The following DACH1 variants were observed in gnomAD, a reference collection of about 807,000 sequenced individuals.
The protein encoded by DACH1 is dachshund homolog 1.
Under a neutral mutation model 54.2 loss-of-function variants are expected in DACH1, and 12 were observed. The observed-to-expected ratio is 0.22, with a 90% CI of 0.14 to 0.36. DACH1 has a LOEUF of 0.36. DACH1 is among the 10% of genes least tolerant of loss of function. The pLI is 1.00. For synonymous variants in DACH1, 386 were observed against 366.2 expected (o/e 1.05, Z -0.62); for missense variants, 805 against 929.8 (o/e 0.87, Z 1.75).
chr13:71,734,140 ATATATG>A (rs1463108371), intron 1 of DACH1, among the ~76,000 whole-genome samples: 1 of 149,024 alleles, frequency 6.7e-6, no homozygotes, highest in African/African-American at 2.5e-5. Context: ...TATACCCCAT[ATATATG>A]TATATCCCAT....
At chr13:71,578,792 T>G (rs1225321594) in intron 3 of DACH1, among the ~76,000 whole-genome samples, 1 of 152,144 alleles carries the variant, frequency 6.6e-6, no homozygotes, top group Non-Finnish European at 1.5e-5. Context: ...TAACTGGTAT[T>G]GCAAAATAAT....
chr13:71,595,952 G>T (rs919885969), intron 3 of DACH1, among the ~76,000 whole-genome samples: 1 of 152,106 alleles, frequency 6.6e-6, no homozygotes, highest in African/African-American at 2.4e-5. Context: ...ACTGATATGA[G>T]AAAAATGAAG....
Position 71,472,045 on chromosome 13 carries a change from A to G in DACH1, c.2083+3096T>C, listed in dbSNP as rs113046325. Among the ~76,000 whole-genome samples, 1,309 of 152,262 alleles carry G rather than the reference A, an allele frequency of 8.6e-3. 23 individuals are homozygous for G. The highest frequency in any genetic ancestry group is 0.029 in the African/African-American group (1,200 of 41,552). On this transcript the variant is annotated intron_variant, in intron 10 of 10. Transcript: ENST00000613252. The stretch of plus-strand genomic sequence containing the variant: ...ATTCTTGAGTAGGGTAAATTTTTCA[A>G]AGTCCAACACAAATCATGCCATATA...
intron 1 of DACH1, among the ~76,000 whole-genome samples, chr13:71,861,361 A>G (rs1302082310): frequency 1.3e-5 from 2 of 151,982 alleles, no homozygotes; most frequent in African/African-American, 4.8e-5. Context: ...AACCATGTTC[A>G]CTTTTGACAA....
chr13:71,595,062 A>G (rs1381778023), intron 3 of DACH1, among the ~76,000 whole-genome samples: 1 of 152,160 alleles, frequency 6.6e-6, no homozygotes, highest in Non-Finnish European at 1.5e-5. Context: ...TTATGTATAA[A>G]CATCCTTAAT....
intron 1 of DACH1, among the ~76,000 whole-genome samples, chr13:71,743,895 G>T (rs1197491977): frequency 1.3e-5 from 2 of 151,956 alleles, no homozygotes; most frequent in Non-Finnish European, 2.9e-5. Context: ...GTTGAAAGTC[G>T]ACTGATTTAT....
chr13:71,620,795 T>A (rs1593998209), intron 3 of DACH1, among the ~76,000 whole-genome samples: 1 of 152,012 alleles, frequency 6.6e-6, no homozygotes, highest in African/African-American at 2.4e-5. Flanking sequence ...TAAAATGTAG[T>A]ATCTTCCAGT....
chr13:71,791,240 A>C (rs530002959), intron 1 of DACH1, among the ~76,000 whole-genome samples: 2 of 152,086 alleles, frequency 1.3e-5, no homozygotes, highest in South Asian at 2.1e-4. Context: ...AATATAACCC[A>C]TTTGCTCTTT....
At chr13:71,578,505 AATGCTACT>A (rs1885675473) in intron 3 of DACH1, among the ~76,000 whole-genome samples, 2 of 152,194 alleles carry the variant, frequency 1.3e-5, no homozygotes, top group Admixed American at 1.3e-4. Context: ...CGTCAGCAGT[AATGCTACT>A]ATTTTGCATG....
At chr13:71,545,351 T>C (rs1883392691) in intron 6 of DACH1, among the ~76,000 whole-genome samples, 1 of 152,052 alleles carries the variant, frequency 6.6e-6, no homozygotes, top group African/African-American at 2.4e-5. Context: ...TGTGTTATTA[T>C]GGAATGGATA....
Position 71,468,152 on chromosome 13 carries a change from G to A in DACH1, c.2083+6989C>T, listed in dbSNP as rs575684277. ...CAACATTGTATTATAAACACAAGTC[G>A]ATTTCCCAAAAAGGGAAAAGTAAAT... is the stretch of plus-strand genomic sequence containing the variant. On this transcript the variant is annotated intron_variant, in intron 10 of 10. Coordinates refer to ENST00000613252, the MANE Select transcript of DACH1 (RefSeq NM_080759.6). Among the ~76,000 whole-genome samples, 10 of 152,128 alleles carry A rather than the reference G, an allele frequency of 6.6e-5. No individual in the cohort carries two copies. In the East Asian group the frequency reaches 7.7e-4, roughly 12 times the overall value.
At chr13:71,651,452 G>C (rs1439528941) in intron 2 of DACH1, among the ~76,000 whole-genome samples, 1 of 152,070 alleles carries the variant, frequency 6.6e-6, no homozygotes, top group Non-Finnish European at 1.5e-5. Flanking sequence ...TCTAACTCTG[G>C]GGGTTCAAGA....
At chr13:71,579,145 T>A (rs577738515) in intron 3 of DACH1, among the ~76,000 whole-genome samples, 1 of 152,272 alleles carries the variant, frequency 6.6e-6, no homozygotes, top group Non-Finnish European at 1.5e-5. Flanking sequence ...TTACCTATGA[T>A]GTTTTCTTTT....
chr13:71,478,567 A>G (rs1009912418), intron 8 of DACH1, among the ~76,000 whole-genome samples: 6 of 152,212 alleles, frequency 3.9e-5, no homozygotes, highest in Non-Finnish European at 8.8e-5. Flanking sequence ...TGCACCATAC[A>G]GTGTGACAAA....
At chr13:71,456,348 C>CT (rs545066091) in intron 10 of DACH1, among the ~76,000 whole-genome samples, 81 of 152,206 alleles carry the variant, frequency 5.3e-4, no homozygotes, top group African/African-American at 1.9e-3. Flanking sequence ...ACATAGGCCA[C>CT]TATTTCCATT....
chr13:71,786,270 G>A (rs1289990079), intron 1 of DACH1, among the ~76,000 whole-genome samples: 1 of 152,138 alleles, frequency 6.6e-6, no homozygotes, highest in African/African-American at 2.4e-5. Flanking sequence ...CAATAAACAT[G>A]CCTTGTGTAT....
intron 1 of DACH1, among the ~76,000 whole-genome samples, chr13:71,748,031 T>G (rs1884679130): frequency 6.6e-6 from 1 of 152,178 alleles, no homozygotes; most frequent in African/African-American, 2.4e-5. Flanking sequence ...GCATGTTGAC[T>G]TCCAACTATA....
chr13:71,554,568 T>C (rs941212401), intron 6 of DACH1, among the ~76,000 whole-genome samples: 2 of 152,106 alleles, frequency 1.3e-5, no homozygotes, highest in Admixed American at 6.6e-5. Flanking sequence ...GTCAGAAAAT[T>C]CCACCTTTGG....
Position 71,571,798 on chromosome 13 carries a change from C to G in DACH1, c.1299+1042G>C, listed in dbSNP as rs140837202. On this transcript the variant is annotated intron_variant, in intron 4 of 10. Transcript: ENST00000613252. ...TCACCCAGGCTGGAGTGCAGTGGCACGATCTCAGCTCAATGCAAGCTCCGC... is the reference window on the plus strand; with the variant it reads ...TCACCCAGGCTGGAGTGCAGTGGCAGGATCTCAGCTCAATGCAAGCTCCGC... Among the ~76,000 whole-genome samples the G allele has an allele frequency of 4.8e-3, 710 of 149,450 alleles. 6 individuals are homozygous for G. Among genetic ancestry groups the G allele is most frequent in the African/African-American group, 0.017 (679 of 40,444 alleles).
Sources: gnomAD v4.1 joint callset for allele counts (sites outside exome capture counted in the v4.1 genomes callset) on GRCh38, gnomAD v4.1.1 for gene constraint, MANE v1.5 for transcripts, NCBI Gene and HGNC (gene_info 2026-07-23, HGNC 2026-07-21) for gene names.